FGD6: variants seen among roughly 807,000 people sequenced by gnomAD.
FGD6 encodes the protein FYVE, RhoGEF and PH domain containing 6.
Under a neutral mutation model 149.4 loss-of-function variants are expected in FGD6, and 90 were observed. The observed-to-expected ratio is 0.60, with a 90% confidence interval of 0.51 to 0.72. The LOEUF is 0.72. Among genes scored for constraint, FGD6 ranks in the 30% least tolerant of loss-of-function variants. The pLI is 0.00. For missense variants in FGD6, 1,437 were observed against 1,684.8 expected (o/e 0.85, Z 2.57); for synonymous variants, 527 against 584.0 (o/e 0.90, Z 1.41).
At chr12:95,108,702 G>T in intron 9 of FGD6, 141 bp from the exon 10 acceptor site, 1 of 922,218 alleles carries the variant, frequency 1.1e-6, no homozygotes, top group Non-Finnish European at 1.6e-6. Flanking sequence ...TGAGTAGGCA[G>T]AAATATAAGG....
intron 1 of FGD6, among the ~76,000 whole-genome samples, chr12:95,216,980 GC>G (rs2056817548): frequency 6.6e-6 from 1 of 152,206 alleles, no homozygotes; most frequent in Non-Finnish European, 1.5e-5. Flanking sequence ...CTGGTGCAGA[GC>G]CCCCAGCACA....
chr12:95,122,554 G>A (rs1029870786), intron 8 of FGD6, among the ~76,000 whole-genome samples: 8 of 141,950 alleles, frequency 5.6e-5, no homozygotes, highest in Non-Finnish European at 9.0e-5. Context: ...GCTCAGGTGC[G>A]AGAACTGCTT....
chr12:95,158,486 T>C (rs1880544625), intron 3 of FGD6, among the ~76,000 whole-genome samples: 1 of 152,036 alleles, frequency 6.6e-6, no homozygotes, highest in African/African-American at 2.4e-5. Context: ...TACACATAGC[T>C]ATATTCCTCA....
At chr12:95,156,745 G>T (rs1198195084) in intron 3 of FGD6, among the ~76,000 whole-genome samples, 4 of 152,176 alleles carry the variant, frequency 2.6e-5, no homozygotes, top group East Asian at 3.9e-4. Context: ...CTGCCGACAT[G>T]TGATGTCTCC....
At chr12:95,172,035 A>AGGGTGGGGGG (rs57459320) in intron 3 of FGD6, among the ~76,000 whole-genome samples, 1 of 35,828 alleles carries the variant, frequency 2.8e-5, no homozygotes, top group Non-Finnish European at 4.4e-5. Flanking sequence ...AACAATTCTA[A>AGGGTGGGGGG]GGGGGGGGGG....
chr12:95,126,428 A>C, intron 8 of FGD6: 2 of 1,175,186 alleles, frequency 1.7e-6, no homozygotes, highest in Non-Finnish European at 1.2e-6. Context: ...TTCTTTAAAA[A>C]AAACAAACAA....
At chr12:95,213,863 G>A (rs1319449818) in intron 1 of FGD6, among the ~76,000 whole-genome samples, 1 of 152,130 alleles carries the variant, frequency 6.6e-6, no homozygotes, top group African/African-American at 2.4e-5. Context: ...TGTGAACTTG[G>A]GCTTGCCATT....
At chr12:95,171,125 G>A (rs1310759878) in intron 3 of FGD6, among the ~76,000 whole-genome samples, 1 of 152,026 alleles carries the variant, frequency 6.6e-6, no homozygotes, top group Non-Finnish European at 1.5e-5. Flanking sequence ...TCTATAAAAT[G>A]GTACTCTTTA....
intron 2 of FGD6, among the ~76,000 whole-genome samples, chr12:95,175,002 C>T (rs1044606427): frequency 1.4e-5 from 2 of 146,912 alleles, no homozygotes; most frequent in Non-Finnish European, 3.0e-5. Context: ...CTTGGTCAAA[C>T]ATCATTTGGA....
At chr12:95,103,490 T>TG (rs1878513896) in intron 14 of FGD6, among the ~76,000 whole-genome samples, 1 of 152,168 alleles carries the variant, frequency 6.6e-6, no homozygotes, top group African/African-American at 2.4e-5. Flanking sequence ...GGTTCCGGTC[T>TG]GGGGCAAGGT....
rs1480732124 is a variant in FGD6 at position 95,140,589 on chromosome 12, C to A, written c.2837+799G>T. On this transcript the variant is annotated intron_variant, in intron 6 of 20. Transcript: ENST00000343958. ...CTGCGATCGTGCCATTGCACTCCAG[C>A]CTGGGCAACAAGAGTGAAACTCCAT... Among the ~76,000 whole-genome samples, 3 of 152,196 alleles carry A rather than the reference C, an allele frequency of 2.0e-5. No homozygotes were observed. The East Asian group carries it at 5.8e-4, about 29-fold the overall frequency.
chr12:95,130,685 C>A (rs182179348), intron 8 of FGD6, among the ~76,000 whole-genome samples: 20 of 152,012 alleles, frequency 1.3e-4, no homozygotes, highest in Admixed American at 8.5e-4. Flanking sequence ...TCGAGACCAG[C>A]CTGGGCAACA....
intron 8 of FGD6, 87 bp downstream of exon 8, chr12:95,134,650 AAG>A (rs1326152361): frequency 1.7e-6 from 2 of 1,146,634 alleles, no homozygotes; most frequent in African/African-American, 3.0e-5. Flanking sequence ...GTGATATACA[AAG>A]AGAGGCACCC....
chr12:95,208,669 C>T (rs2056705294), intron 2 of FGD6, among the ~76,000 whole-genome samples, 174 bp downstream of exon 2: 1 of 152,194 alleles, frequency 6.6e-6, no homozygotes, highest in African/African-American at 2.4e-5. Flanking sequence ...GCTTGTATTG[C>T]AAATACCCAT....
intron 2 of FGD6, among the ~76,000 whole-genome samples, chr12:95,185,982 T>C (rs1049229932): frequency 1.3e-4 from 20 of 152,254 alleles, no homozygotes; most frequent in Admixed American, 7.2e-4. Context: ...AAAGCAGGCA[T>C]GAGAAAGGGG....
chr12:95,183,957 G>A (rs1013599626), intron 2 of FGD6, among the ~76,000 whole-genome samples: 3 of 152,114 alleles, frequency 2.0e-5, no homozygotes, highest in Non-Finnish European at 4.4e-5. Flanking sequence ...TACATTGAGA[G>A]GTGTACAAAG....
chr12:95,085,673 A>T, intron 19 of FGD6, 107 bp downstream of exon 19: 1 of 1,351,546 alleles, frequency 7.4e-7, no homozygotes, highest in Non-Finnish European at 9.9e-7. Flanking sequence ...ATCCAAAAGC[A>T]AAGCAAAAAA....
chr12:95,216,560 G>C (rs944495738), intron 1 of FGD6, among the ~76,000 whole-genome samples: 1 of 149,416 alleles, frequency 6.7e-6, no homozygotes, highest in South Asian at 2.1e-4. Context: ...TAGAGGCTTT[G>C]TCATTTGGAT....
rs1565925928 is a variant in FGD6, at chr12:95,211,160, G to A, written c.124C>T (p.Pro42Ser). 3 of 1,614,136 alleles carry A rather than the reference G, an allele frequency of 1.9e-6. No homozygotes were observed. Among genetic ancestry groups the A allele is most frequent in the Non-Finnish European group, 2.5e-6 (3 of 1,180,026 alleles). The change falls in exon 2 of 21, where the codon CCA becomes TCA. Residue 42 changes from proline (P) to serine (S), a missense_variant. Physicochemically the swap from Pro to Ser is moderately conservative, Grantham distance 74 (BLOSUM62 -1). Transcript: ENST00000343958. ...PKPDIVISSV[P>S]QSTKKMKPAI... The stretch of plus-strand genomic sequence containing the variant: ...GGTTTCATTTTCTTTGTCGACTGTG[G>A]AACACTAGAAATCACAATGTCGGGT...
Sources: allele counts gnomAD v4.1 joint callset (sites outside exome capture counted in the v4.1 genomes callset), GRCh38; gene constraint gnomAD v4.1.1; transcripts MANE v1.5; gene names NCBI Gene and HGNC (gene_info 2026-07-23, HGNC 2026-07-21).